WDR64: variants seen among roughly 807,000 people sequenced by gnomAD.
WDR64 encodes WD repeat domain 64.
A neutral mutation model predicts 139.3 loss-of-function variants in WDR64; 112 were observed. The ratio of observed to expected loss-of-function variants is 0.80; its 90% CI spans 0.69 to 0.94. WDR64 has a LOEUF of 0.94. Ranked by LOEUF, WDR64 falls within the 40% of genes least tolerant of loss-of-function variation. The pLI, the probability that WDR64 is intolerant of heterozygous loss-of-function variation, is 0.00. For synonymous variants in WDR64, 444 were observed against 437.7 expected (o/e 1.01, Z -0.18); for missense variants, 1,206 against 1,293.1 (o/e 0.93, Z 1.03).
At chr1:241,679,995 C>A (rs1224761526) in intron 6 of WDR64, among the ~76,000 whole-genome samples, 3 of 152,170 alleles carry the variant, frequency 2.0e-5, no homozygotes. Flanking sequence ...TCTAATGAGG[C>A]AGCCCTTCAG....
At chr1:241,714,487 T>C (rs1324843274) in intron 9 of WDR64, among the ~76,000 whole-genome samples, 1 of 152,158 alleles carries the variant, frequency 6.6e-6, no homozygotes, top group African/African-American at 2.4e-5. Flanking sequence ...TGGTTTCCTA[T>C]CTAAAGTGTC....
rs141235087 is a variant in WDR64 at position 241,798,464 on chromosome 1, T to A, written c.3192+2094T>A. ...GATTAAAGCACCACTATGTTAACTGTCTACAATTTTAGAACTCCAAAGAGC... is the reference window on the plus strand; with the variant it reads ...GATTAAAGCACCACTATGTTAACTGACTACAATTTTAGAACTCCAAAGAGC... On this transcript the variant is annotated intron_variant, in intron 27 of 27. Coordinates refer to ENST00000437684, the MANE Select transcript of WDR64 (RefSeq NM_001367482.1). Among the ~76,000 whole-genome samples, 9 of 152,334 alleles carry A rather than the reference T, an allele frequency of 5.9e-5. 1 individual carries two copies. The East Asian group carries it at 1.7e-3, about 29-fold the overall frequency.
intron 24 of WDR64, among the ~76,000 whole-genome samples, chr1:241,789,745 G>T (rs150095031): frequency 2.4e-4 from 36 of 152,244 alleles, no homozygotes; most frequent in African/African-American, 8.4e-4. Flanking sequence ...GGTGGAGGGT[G>T]GGAGGAGGGA....
chr1:241,795,927 G>T (rs1186977870), intron 26 of WDR64, among the ~76,000 whole-genome samples: 1 of 152,068 alleles, frequency 6.6e-6, no homozygotes, highest in African/African-American at 2.4e-5. Flanking sequence ...ATGCTAAAGG[G>T]TGAACTATCA....
chr1:241,726,193 G>A lies in WDR64; in HGVS notation c.1194+2757G>A, dbSNP rs76856368. ...CCTGAGCCATGGCACTGGGCCAATCGTTTTTATATTGATTATATATTGAGG... is the reference window on the plus strand; with the variant it reads ...CCTGAGCCATGGCACTGGGCCAATCATTTTTATATTGATTATATATTGAGG... On this transcript the variant is annotated intron_variant, in intron 10 of 27. Coordinates refer to ENST00000437684, the MANE Select transcript of WDR64 (RefSeq NM_001367482.1). 9.3e-3 allele frequency among the ~76,000 whole-genome samples: 1,409 copies of A among 151,928 alleles called. 24 individuals are homozygous for A. Among genetic ancestry groups the A allele is most frequent in the African/African-American group, 0.031 (1,287 of 41,422 alleles).
intron 2 of WDR64, among the ~76,000 whole-genome samples, chr1:241,668,277 A>AG (rs1045423426): frequency 1.4e-4 from 22 of 152,070 alleles, no homozygotes; most frequent in African/African-American, 3.9e-4. Flanking sequence ...TGGGAGGCCG[A>AG]GGGGGGCGGA....
In WDR64 at chr1:241,796,383, T is replaced by C; in HGVS notation, c.3192+13T>C. ...TCAACGTGAAAAAGTAAGTTAGTAC[T>C]AATTCCACCGTTAACTCCAATTTCA... On this transcript the variant is annotated intron_variant, in intron 27 of 27. Coordinates refer to ENST00000437684, the MANE Select transcript of WDR64 (RefSeq NM_001367482.1). The C allele has an allele frequency of 7.1e-6, 11 of 1,549,970 alleles. No individual in the cohort carries two copies. Among genetic ancestry groups the C allele is most frequent in the Non-Finnish European group, 9.8e-6 (11 of 1,126,124 alleles).
intron 8 of WDR64, among the ~76,000 whole-genome samples, chr1:241,706,408 G>T (rs1667957439): frequency 6.6e-6 from 1 of 152,210 alleles, no homozygotes; most frequent in African/African-American, 2.4e-5. Context: ...GCCCTTCCTG[G>T]TTTGTACTAC....
chr1:241,674,937 CT>C, intron 4 of WDR64, among the ~76,000 whole-genome samples, 190 bp downstream of exon 4: 1 of 36,688 alleles, frequency 2.7e-5, no homozygotes, highest in Admixed American at 2.4e-4. Context: ...TCCTTCCTCC[CT>C]CCCTCCTTCC....
chr1:241,705,152 C>T (rs955233345), intron 8 of WDR64, among the ~76,000 whole-genome samples: 3 of 152,194 alleles, frequency 2.0e-5, no homozygotes, highest in South Asian at 2.1e-4. Context: ...AGGCTCAGAA[C>T]TCACAGGCTC....
At chr1:241,759,071 T>C (rs1670324707) in intron 15 of WDR64, among the ~76,000 whole-genome samples, 1 of 152,174 alleles carries the variant, frequency 6.6e-6, no homozygotes, top group African/African-American at 2.4e-5. Context: ...ATTTGCTTTA[T>C]GCTATTATTT....
At chr1:241,783,477 T>C in intron 23 of WDR64, 96 bp downstream of exon 23, 2 of 863,738 alleles carry the variant, frequency 2.3e-6, no homozygotes, top group South Asian at 3.5e-5. Context: ...TCAAATGCAA[T>C]CTTGGTAAAC....
chr1:241,762,691 G>GT (rs1175305755), intron 15 of WDR64, among the ~76,000 whole-genome samples: 1 of 150,812 alleles, frequency 6.6e-6, no homozygotes, highest in Non-Finnish European at 1.5e-5. Flanking sequence ...AAAGTCTTCA[G>GT]TTTTTTTCTC....
chr1:241,673,194 G>GGGGGAGC (rs1573994568), intron 3 of WDR64, among the ~76,000 whole-genome samples: 4 of 139,494 alleles, frequency 2.9e-5, no homozygotes, highest in East Asian at 2.5e-4. Context: ...TTGTGGGGTG[G>GGGGGAGC]GGGGAGGGAT....
intron 2 of WDR64, among the ~76,000 whole-genome samples, chr1:241,667,090 G>A (rs1293937695): frequency 1.3e-5 from 2 of 152,186 alleles, no homozygotes; most frequent in African/African-American, 2.4e-5. Flanking sequence ...ATTGCTCTTT[G>A]AGTATGGGTA....
At chr1:241,781,484 G>A (rs1224941671) in intron 22 of WDR64, among the ~76,000 whole-genome samples, 1 of 152,150 alleles carries the variant, frequency 6.6e-6, no homozygotes, top group Non-Finnish European at 1.5e-5. Flanking sequence ...TCCGGCTATA[G>A]ATTACAACTG....
chr1:241,771,664 A>G lies in WDR64; in HGVS notation c.2257A>G (p.Ser753Gly). The G allele has an allele frequency of 6.7e-7, 1 of 1,502,880 alleles. No individual in the cohort carries two copies. Among genetic ancestry groups the G allele is most frequent in the Non-Finnish European group, 8.9e-7 (1 of 1,123,418 alleles). The allele number at this position is 1,502,880 out of a possible 1,614,324, so 93.1% of individuals were successfully genotyped here. Residue 753 changes from serine (S) to glycine (G), a missense_variant, in exon 19 of 28, where the codon AGC becomes GGC. Coordinates refer to ENST00000437684, the MANE Select transcript of WDR64 (RefSeq NM_001367482.1). ...CTCTTTTCCTCCCATAATTCAGGGA[A>G]GCAAGCAAAGCATACATGACAGTGA... is the stretch of plus-strand genomic sequence containing the variant. ...SSKGPQSSKG[S>G]KQSIHDSEVK...
At chr1:241,698,025 G>A (rs952483975) in intron 8 of WDR64, among the ~76,000 whole-genome samples, 1 of 152,080 alleles carries the variant, frequency 6.6e-6, no homozygotes, top group Non-Finnish European at 1.5e-5. Context: ...TTGGGTGATA[G>A]TTGTATTCTT....
chr1:241,743,056 A>G (rs753013217), intron 12 of WDR64, among the ~76,000 whole-genome samples: 5 of 152,204 alleles, frequency 3.3e-5, no homozygotes, highest in Non-Finnish European at 7.3e-5. Context: ...GATTTTCTCA[A>G]GTGAGAATCT....
Sources: allele counts gnomAD v4.1 joint callset (sites outside exome capture counted in the v4.1 genomes callset), GRCh38; gene constraint gnomAD v4.1.1; transcripts MANE v1.5; gene names NCBI Gene and HGNC (gene_info 2026-07-23, HGNC 2026-07-21).